Variants in AJAP1 observed in about 807,000 individuals in gnomAD.
AJAP1 encodes the protein adherens junction-associated protein 1.
A neutral mutation model predicts 35.0 loss-of-function variants in AJAP1; 5 were observed. The observed-to-expected ratio is 0.14, with a 90% confidence interval of 0.07 to 0.30. The LOEUF is 0.30. AJAP1 is among the 10% of genes least tolerant of loss of function. The pLI is 1.00. For synonymous variants in AJAP1, 284 were observed against 249.3 expected, an observed-to-expected ratio of 1.14 and a Z score of -1.31; for missense variants, 586 against 571.0, an observed-to-expected ratio of 1.03 and a Z score of -0.27.
intron 1 of AJAP1, among the ~76,000 whole-genome samples, chr1:4,703,147 A>C (rs75270130): frequency 0.02 from 3,098 of 152,282 alleles, 91 homozygotes; most frequent in South Asian, 0.12. Context: ...CAAGAGGTAG[A>C]GCGCGGAGTG....
At position 4,656,040 on chromosome 1, in the gene AJAP1, A is replaced by C. The variant is rs1638874454; in HGVS notation, c.29+586A>C. Among the ~76,000 whole-genome samples the C allele has an allele frequency of 6.6e-6, 1 of 151,818 alleles. No individual in the cohort carries two copies. ...TGACCTCCGGGCCCGACGGGCGCTC[A>C]CAGCTGGCGGGCAGCTGGGGCGGGA... On this transcript the variant is annotated intron_variant, in intron 1 of 5. Coordinates refer to ENST00000378191, the MANE Select transcript of AJAP1 (RefSeq NM_018836.4). The surrounding 1 kb of genome is among the most constrained non-coding windows in gnomAD (Gnocchi z 5.7).
chr1:4,774,511 CT>C lies in AJAP1; in HGVS notation c.*18del, dbSNP rs750872559. ...AAATCTCCTGCTGACTGGCCGAAGT[CT>C]TTTTTACCTCCTGGGGGCAGGGCAG... On this transcript the variant is annotated 3_prime_UTR_variant, in exon 5 of 6. Transcript: ENST00000378191. 2 of 1,612,840 alleles carry C rather than the reference CT, an allele frequency of 1.2e-6. No individual in the cohort carries two copies. The highest frequency in any genetic ancestry group is 2.2e-5 in the East Asian group (1 of 44,880).
intron 2 of AJAP1, among the ~76,000 whole-genome samples, chr1:4,745,709 T>A (rs1267419344): frequency 6.6e-6 from 1 of 152,124 alleles, no homozygotes; most frequent in Non-Finnish European, 1.5e-5. Context: ...TGGCTTTGAG[T>A]CAGAGTCAGC....
chr1:4,705,275 G>T lies in AJAP1; in HGVS notation c.30-6625G>T, dbSNP rs183305304. ...AGACTTAAACGTTAGACCTAAAACC[G>T]TAAAAACCCTATAAGAAAACCTAGG... On this transcript the variant is annotated intron_variant, in intron 1 of 5. Coordinates refer to ENST00000378191, the MANE Select transcript of AJAP1 (RefSeq NM_018836.4). 6.3e-4 allele frequency among the ~76,000 whole-genome samples: 96 copies of T among 151,486 alleles called. 1 individual carries two copies. In the East Asian group the frequency reaches 0.012, roughly 18 times the overall value.
intron 2 of AJAP1, among the ~76,000 whole-genome samples, chr1:4,757,543 G>C (rs1049591788): frequency 6.6e-6 from 1 of 152,208 alleles, no homozygotes; most frequent in Non-Finnish European, 1.5e-5. Flanking sequence ...GTGGCTGGAG[G>C]GGGTGAGGAT....
At chr1:4,764,351 C>T (rs184953066) in intron 2 of AJAP1, among the ~76,000 whole-genome samples, 64 of 152,248 alleles carry the variant, frequency 4.2e-4, no homozygotes, top group Admixed American at 1.8e-3. Flanking sequence ...TTTTTCTTAG[C>T]AGCCTGTTCC....
intron 1 of AJAP1, among the ~76,000 whole-genome samples, chr1:4,677,158 A>C (rs112196766): frequency 0.012 from 1,836 of 152,318 alleles, 45 homozygotes; most frequent in African/African-American, 0.042. Context: ...AATCCGTCTC[A>C]AAAAATAAAA....
chr1:4,677,170 A>T (rs1350443215), intron 1 of AJAP1, among the ~76,000 whole-genome samples: 1 of 152,188 alleles, frequency 6.6e-6, no homozygotes, highest in East Asian at 1.9e-4. Flanking sequence ...AAAATAAAAG[A>T]AAAGCAATGA....
chr1:4,772,471 A>T lies in AJAP1; in HGVS notation c.1109A>T (p.Asp370Val), dbSNP rs753700557. The part of the protein sequence containing the change: ...CVRASVPVYT[D>V]ETLHSTTGEY... ...AGGGCATCTGTGCCCGTGTACACCGATGAGACGCTGCACTCGACGACGGGG... is the reference window on the plus strand; with the variant it reads ...AGGGCATCTGTGCCCGTGTACACCGTTGAGACGCTGCACTCGACGACGGGG... Residue 370 changes from aspartate to valine, a missense_variant, in exon 4 of 6, where the codon GAT becomes GTT. Physicochemically the swap from Asp to Val is radical, Grantham distance 152. Coordinates refer to ENST00000378191, the MANE Select transcript of AJAP1 (RefSeq NM_018836.4). The T allele has an allele frequency of 6.2e-7, 1 of 1,614,218 alleles. No homozygotes were observed. Among genetic ancestry groups the T allele is most frequent in the Non-Finnish European group, 8.5e-7 (1 of 1,180,034 alleles).
intron 1 of AJAP1, among the ~76,000 whole-genome samples, chr1:4,672,161 T>C (rs752156477): frequency 6.6e-6 from 1 of 152,166 alleles, no homozygotes; most frequent in Non-Finnish European, 1.5e-5. Flanking sequence ...AAGAATGGAC[T>C]GGGAGGAGGG....
intron 1 of AJAP1, among the ~76,000 whole-genome samples, chr1:4,658,480 A>G (rs1276125791): frequency 6.6e-6 from 1 of 152,220 alleles, no homozygotes; most frequent in Admixed American, 6.5e-5. Flanking sequence ...CGCGCAGTCC[A>G]CAAACATTGC....
intron 1 of AJAP1, among the ~76,000 whole-genome samples, chr1:4,666,709 GCGGAGAGGGGCCTGTGAATCA>G (rs1639131622): frequency 4.8e-5 from 3 of 61,896 alleles, no homozygotes; most frequent in Admixed American, 1.5e-4. Flanking sequence ...CGGGAGGGGT[GCGGAGAGGGGCCTGTGAATCA>G]CGGGAGGGGT....
chr1:4,736,905 G>T (rs1443791348), intron 2 of AJAP1, among the ~76,000 whole-genome samples: 1 of 152,132 alleles, frequency 6.6e-6, no homozygotes, highest in Non-Finnish European at 1.5e-5. Context: ...GGTCTCCAGG[G>T]CTGACTACTG....
chr1:4,711,118 C>T (rs1384034473), intron 1 of AJAP1: 1 of 152,290 alleles, frequency 6.6e-6, no homozygotes, highest in Non-Finnish European at 1.5e-5. Context: ...AGACACTTCG[C>T]GTCAATAAAC....
At chr1:4,729,414 A>G (rs1280179301) in intron 2 of AJAP1, among the ~76,000 whole-genome samples, 1 of 152,082 alleles carries the variant, frequency 6.6e-6, no homozygotes, top group Non-Finnish European at 1.5e-5. Context: ...CTTCCTGGTG[A>G]GCTAGGTTTT....
intron 1 of AJAP1, among the ~76,000 whole-genome samples, chr1:4,708,613 C>G (rs143407783): frequency 5.0e-4 from 76 of 152,338 alleles, no homozygotes; most frequent in African/African-American, 1.7e-3. Context: ...TTGTACTGCT[C>G]ACTGGTCCTT....
intron 3 of AJAP1, among the ~76,000 whole-genome samples, chr1:4,770,944 C>T (rs1200589335): frequency 6.6e-6 from 1 of 152,028 alleles, no homozygotes; most frequent in Non-Finnish European, 1.5e-5. Context: ...GAGAACAACA[C>T]GGAGCTCACA....
At chr1:4,697,480 G>A (rs1350342789) in intron 1 of AJAP1, among the ~76,000 whole-genome samples, 1 of 152,250 alleles carries the variant, frequency 6.6e-6, no homozygotes, top group Non-Finnish European at 1.5e-5. Flanking sequence ...GCTGATGGTG[G>A]CTGGTACTAT....
At chr1:4,657,082 G>A (rs1230232048) in intron 1 of AJAP1, among the ~76,000 whole-genome samples, 1 of 152,124 alleles carries the variant, frequency 6.6e-6, no homozygotes, top group African/African-American at 2.4e-5. Flanking sequence ...GATTCCTGAT[G>A]GCAACTTATT....
Sources: allele counts gnomAD v4.1 joint callset (sites outside exome capture counted in the v4.1 genomes callset), GRCh38; gene constraint gnomAD v4.1.1; non-coding constraint Gnocchi (gnomAD v3.1); transcripts MANE v1.5; gene names NCBI Gene and HGNC (gene_info 2026-07-23, HGNC 2026-07-21).